OR10R2: variants seen among roughly 807,000 people sequenced by gnomAD.
The protein encoded by OR10R2 is olfactory receptor 10R2.
A neutral mutation model predicts 2.4 loss-of-function variants in OR10R2; 1 was observed. The ratio of observed to expected loss-of-function variants is 0.41; its 90% CI spans 0.15 to 1.95. The LOEUF (loss-of-function observed/expected upper bound fraction) is 1.95, where lower values mean the gene tolerates loss of function less well. Among genes scored for constraint, OR10R2 ranks in the 30% most tolerant of loss-of-function variants. The probability of loss-of-function intolerance (pLI) is 0.30; values close to 1 mark genes in which losing one functional copy is unlikely to be tolerated. For missense variants in OR10R2, 419 were observed against 373.0 expected (o/e 1.12, Z -1.01); for synonymous variants, 166 against 144.8 (o/e 1.15, Z -1.05).
intron 1 of OR10R2, among the ~76,000 whole-genome samples, chr1:158,473,178 T>G (rs1557874754): frequency 6.6e-6 from 1 of 152,192 alleles, no homozygotes; most frequent in African/African-American, 2.4e-5. Context: ...ATTTGCTTAA[T>G]TATAATTTTG....
At chr1:158,480,831 A>G in exon 2 of OR10R2, 2 of 1,598,502 alleles carry the variant, frequency 1.3e-6, no homozygotes, top group South Asian at 2.3e-5. Context: ...AGGATGTCCA[A>G]CTTGCTATCA....
intron 1 of OR10R2, chr1:158,474,598 T>C (rs1242116474): frequency 6.6e-6 from 1 of 152,208 alleles, no homozygotes; most frequent in African/African-American, 2.4e-5. Context: ...AGAAAGTTCA[T>C]TCTCCAATAA....
At chr1:158,475,136 A>G (rs982242932) in intron 1 of OR10R2, among the ~76,000 whole-genome samples, 4 of 152,120 alleles carry the variant, frequency 2.6e-5, no homozygotes, top group African/African-American at 9.7e-5. Flanking sequence ...AAGAACTGGT[A>G]CCCAAAGCCA....
At chr1:158,476,485 T>G (rs1427710368) in intron 1 of OR10R2, among the ~76,000 whole-genome samples, 1 of 148,562 alleles carries the variant, frequency 6.7e-6, no homozygotes, top group Non-Finnish European at 1.5e-5. Flanking sequence ...GAGGCGGAGC[T>G]TGCAGTGAGC....
chr1:158,473,479 G>T (rs1656201593), intron 1 of OR10R2, among the ~76,000 whole-genome samples: 1 of 152,168 alleles, frequency 6.6e-6, no homozygotes, highest in African/African-American at 2.4e-5. Context: ...ACAATAAATA[G>T]TTTTTAAATT....
At chr1:158,478,161 T>C (rs1419047578) in intron 1 of OR10R2, among the ~76,000 whole-genome samples, 1 of 152,166 alleles carries the variant, frequency 6.6e-6, no homozygotes, top group Non-Finnish European at 1.5e-5. Flanking sequence ...TAACTCAAAG[T>C]GGATTAAAAA....
intron 1 of OR10R2, 92 bp from the exon 2 acceptor site, chr1:158,479,846 T>C (rs761857619): frequency 2.1e-5 from 29 of 1,362,578 alleles, no homozygotes; most frequent in Non-Finnish European, 2.9e-5. Context: ...AAGATTCTTC[T>C]TTGTCACCAC....
chr1:158,480,444 T>C (rs748941070), exon 2 of OR10R2: 1 of 1,614,040 alleles, frequency 6.2e-7, no homozygotes, highest in South Asian at 1.1e-5. Context: ...TCCCTTTTTG[T>C]AGCGCCAACA....
chr1:158,476,357 C>T (rs957428027), intron 1 of OR10R2, among the ~76,000 whole-genome samples: 1 of 151,764 alleles, frequency 6.6e-6, no homozygotes, highest in African/African-American at 2.4e-5. Flanking sequence ...ATCATCCTGG[C>T]TAAGGCGGTG....
intron 1 of OR10R2, among the ~76,000 whole-genome samples, chr1:158,475,834 G>A (rs1656257993): frequency 1.3e-5 from 2 of 151,050 alleles, no homozygotes; most frequent in South Asian, 4.2e-4. Context: ...ACATTTTTTT[G>A]TATTTTATTA....
intron 1 of OR10R2, among the ~76,000 whole-genome samples, chr1:158,475,018 T>A (rs1656244806): frequency 6.6e-6 from 1 of 152,152 alleles, no homozygotes; most frequent in Admixed American, 6.5e-5. Flanking sequence ...TTCTCAGCAC[T>A]CTATATAAAT....
intron 1 of OR10R2, among the ~76,000 whole-genome samples, chr1:158,476,273 C>A (rs1271010360): frequency 1.3e-5 from 2 of 151,836 alleles, no homozygotes; most frequent in African/African-American, 4.8e-5. Context: ...GTAGGCTGGG[C>A]GCAGTGGTTC....
At chr1:158,477,727 T>G (rs565911543) in intron 1 of OR10R2, among the ~76,000 whole-genome samples, 2 of 152,128 alleles carry the variant, frequency 1.3e-5, no homozygotes, top group Non-Finnish European at 2.9e-5. Context: ...GGCCGTACTG[T>G]CAAAAGCAAT....
At chr1:158,480,342 T>C in exon 2 of OR10R2, 1 of 1,614,146 alleles carries the variant, frequency 6.2e-7, no homozygotes, top group Non-Finnish European at 8.5e-7. Context: ...ACCCCACTCT[T>C]ATGAGCTGGC....
At chr1:158,479,303 G>A (rs1249688089) in intron 1 of OR10R2, among the ~76,000 whole-genome samples, 1 of 152,076 alleles carries the variant, frequency 6.6e-6, no homozygotes, top group Non-Finnish European at 1.5e-5. Context: ...TGACTACATA[G>A]ACCAATTTGG....
In OR10R2 at chr1:158,479,929, C is replaced by T. The variant is rs1365337638; in HGVS notation, c.28-9C>T. ...CCTGAATATGTTTTACTTCTTTCCCCCTTTGCAGATCTTGGCAGAAAACCT... is the reference window on the plus strand; with the variant it reads ...CCTGAATATGTTTTACTTCTTTCCCTCTTTGCAGATCTTGGCAGAAAACCT... On this transcript the variant is annotated splice_polypyrimidine_tract_variant and intron_variant, in intron 1 of 1. Coordinates refer to ENST00000641067, the Ensembl canonical transcript of OR10R2. 1.2e-6 allele frequency: 2 copies of T among 1,613,816 alleles called. No homozygotes were observed. Among genetic ancestry groups the T allele is most frequent in the Non-Finnish European group, 1.7e-6 (2 of 1,179,828 alleles).
intron 1 of OR10R2, among the ~76,000 whole-genome samples, chr1:158,477,954 A>G (rs1432148035): frequency 1.3e-5 from 2 of 152,190 alleles, no homozygotes; most frequent in Non-Finnish European, 2.9e-5. Flanking sequence ...GTGCAAATAC[A>G]GACACATAGA....
At chr1:158,475,560 G>C (rs1656254174) in intron 1 of OR10R2, among the ~76,000 whole-genome samples, 1 of 151,526 alleles carries the variant, frequency 6.6e-6, no homozygotes, top group Non-Finnish European at 1.5e-5. Flanking sequence ...TAAACTGTAT[G>C]CTTTTATCTG....
At chr1:158,476,618 C>A (rs1217008816) in intron 1 of OR10R2, among the ~76,000 whole-genome samples, 3 of 150,784 alleles carry the variant, frequency 2.0e-5, no homozygotes, top group Non-Finnish European at 4.4e-5. Flanking sequence ...ATTAATGCTT[C>A]TTTAAGTATA....
Sources: allele counts gnomAD v4.1 joint callset (sites outside exome capture counted in the v4.1 genomes callset), GRCh38; gene constraint gnomAD v4.1.1; transcripts MANE v1.5; gene names NCBI Gene and HGNC (gene_info 2026-07-23, HGNC 2026-07-21).